IL34: variants seen among roughly 807,000 people sequenced by gnomAD.
The protein encoded by IL34 is interleukin-34.
A neutral mutation model predicts 25.3 loss-of-function variants in IL34; 17 were observed. That is an observed-to-expected ratio of 0.67 (90% CI 0.46 to 1.01). The LOEUF (loss-of-function observed/expected upper bound fraction) is 1.01, where lower values mean the gene tolerates loss of function less well. Among genes scored for constraint, IL34 ranks in the 50% least tolerant of loss-of-function variants. The pLI is 0.00. For missense variants in IL34, 368 were observed against 312.9 expected, an observed-to-expected ratio of 1.18 and a Z score of -1.33; for synonymous variants, 174 against 140.9, an observed-to-expected ratio of 1.23 and a Z score of -1.66.
At chr16:70,630,734 G>T (rs1199527854) in intron 1 of IL34, among the ~76,000 whole-genome samples, 1 of 151,908 alleles carries the variant, frequency 6.6e-6, no homozygotes, top group Non-Finnish European at 1.5e-5. Context: ...ACCATGCCTG[G>T]CTAATTTTTA....
intron 1 of IL34, among the ~76,000 whole-genome samples, chr16:70,619,148 G>T (rs2051223695): frequency 6.6e-6 from 1 of 152,284 alleles, no homozygotes; most frequent in Admixed American, 6.5e-5. Context: ...GCTTTAAAAG[G>T]CCATGCTGTA....
intron 1 of IL34, among the ~76,000 whole-genome samples, chr16:70,598,720 C>T (rs2050861635): frequency 6.6e-6 from 1 of 152,142 alleles, no homozygotes; most frequent in Non-Finnish European, 1.5e-5. Context: ...GCCTGGGCGA[C>T]AGAGTGAAAC....
rs114006339 is a variant in IL34 at position 70,590,556 on chromosome 16, G to A, written c.-401+10507G>A. On this transcript the variant is annotated intron_variant, in intron 1 of 6. Coordinates refer to the IL34 transcript ENST00000429149. ...TCAGAGGGAGGGGGCAGCCGGGTGG[G>A]AAGGCTTGTCCCAGGTCTAGCCCAA... 7.4e-3 allele frequency among the ~76,000 whole-genome samples: 1,124 copies of A among 152,206 alleles called. 15 individuals carry two copies. Among genetic ancestry groups the A allele is most frequent in the African/African-American group, 0.025 (1,025 of 41,536 alleles).
intron 1 of IL34, among the ~76,000 whole-genome samples, chr16:70,610,934 C>T (rs1250762223): frequency 1.3e-5 from 2 of 151,720 alleles, no homozygotes; most frequent in Non-Finnish European, 2.9e-5. Flanking sequence ...CTTTCCCCCC[C>T]TTCCATCCTT....
intron 1 of IL34, 183 bp from the exon 2 acceptor site, chr16:70,654,355 C>G (rs1182419489): frequency 5.7e-6 from 4 of 700,734 alleles, no homozygotes; most frequent in Non-Finnish European, 9.0e-6. Context: ...GCCTGCCTGA[C>G]CTTGCTGTTC....
At chr16:70,621,697 G>A (rs1285792017) in intron 1 of IL34, among the ~76,000 whole-genome samples, 1 of 152,130 alleles carries the variant, frequency 6.6e-6, no homozygotes, top group Non-Finnish European at 1.5e-5. Flanking sequence ...GGCAGGCTGA[G>A]TCCGAAAAGA....
At chr16:70,654,865 G>C (rs1414494890) in intron 2 of IL34, among the ~76,000 whole-genome samples, 194 bp downstream of exon 2, 4 of 152,026 alleles carry the variant, frequency 2.6e-5, no homozygotes, top group Non-Finnish European at 4.4e-5. Context: ...GCCATCTCCT[G>C]GGGCCTCCAC....
At chr16:70,599,975 T>C (rs1673738466) in intron 1 of IL34, among the ~76,000 whole-genome samples, 1 of 152,100 alleles carries the variant, frequency 6.6e-6, no homozygotes, top group Non-Finnish European at 1.5e-5. Flanking sequence ...TCATGGCACC[T>C]GACCCTGCTT....
At chr16:70,613,550 G>A (rs1380871784) in intron 1 of IL34, among the ~76,000 whole-genome samples, 1 of 152,232 alleles carries the variant, frequency 6.6e-6, no homozygotes, top group East Asian at 1.9e-4. Context: ...GCAGACCAGT[G>A]GTATCTGCAG....
At chr16:70,633,683 G>A (rs1002694590) in intron 1 of IL34, among the ~76,000 whole-genome samples, 2 of 152,278 alleles carry the variant, frequency 1.3e-5, no homozygotes, top group East Asian at 1.9e-4. Context: ...AAGATCTGGA[G>A]GCTAGAAATC....
rs182736746 is a variant in IL34, at chr16:70,596,143, C to T, written c.-401+16094C>T. Among the ~76,000 whole-genome samples, 14 of 152,152 alleles carry T rather than the reference C, an allele frequency of 9.2e-5. No individual in the cohort carries two copies. In the East Asian group the frequency reaches 9.7e-4, roughly 10 times the overall value. On this transcript the variant is annotated intron_variant, in intron 1 of 6. Coordinates refer to the IL34 transcript ENST00000429149. ...GTCTGGTGTGGGCCCTTGTCCTAGG[C>T]GGCTGTCTTTTCCCTGTAGCCTCAG... is the stretch of plus-strand genomic sequence containing the variant.
rs1567440018 is a variant in IL34, at chr16:70,600,935, G to GAGAA, written c.-401+20886_-401+20887insAGAA. ...AATGAGAAGATGCTGGCAGAAGCAG[G>GAGAA]GCTGCTGGGAGGAGTAGGGGATGCT... On this transcript the variant is annotated intron_variant, in intron 1 of 6. Transcript: ENST00000429149. Among the ~76,000 whole-genome samples, 430 of 146,162 alleles carry GAGAA rather than the reference G, an allele frequency of 2.9e-3. 2 individuals carry two copies. Among genetic ancestry groups the GAGAA allele is most frequent in the African/African-American group, 0.011 (399 of 36,044 alleles).
At chr16:70,614,196 A>G (rs989995055) in intron 1 of IL34, among the ~76,000 whole-genome samples, 3 of 151,660 alleles carry the variant, frequency 2.0e-5, no homozygotes, top group Admixed American at 6.6e-5. Flanking sequence ...AAAAAAAAAA[A>G]AAGAAGTGCA....
chr16:70,647,682 C>T (rs188611112), intron 1 of IL34, among the ~76,000 whole-genome samples: 181 of 152,250 alleles, frequency 1.2e-3, no homozygotes, highest in Middle Eastern at 0.01. Context: ...CTTGCTGTCT[C>T]GTGCCTCTGT....
upstream of IL34, among the ~76,000 whole-genome samples, chr16:70,643,217 C>T (rs568628903): frequency 4.6e-5 from 7 of 152,124 alleles, no homozygotes; most frequent in East Asian, 3.9e-4. Flanking sequence ...TGCGCACCAC[C>T]GTGCCTGGCT....
At chr16:70,580,873 G>T (rs2050629353) in intron 1 of IL34, among the ~76,000 whole-genome samples, 1 of 151,800 alleles carries the variant, frequency 6.6e-6, no homozygotes, top group Admixed American at 6.6e-5. Flanking sequence ...ATGCAGGTGG[G>T]ATTTCTGAAA....
At chr16:70,627,446 TC>T in intron 1 of IL34, among the ~76,000 whole-genome samples, 1 of 17,766 alleles carries the variant, frequency 5.6e-5, no homozygotes, top group South Asian at 1.9e-3. Flanking sequence ...CCCCCTCCGC[TC>T]CCCTCCCCCT....
intron 1 of IL34, among the ~76,000 whole-genome samples, chr16:70,590,079 C>T (rs2050735485): frequency 6.6e-6 from 1 of 152,202 alleles, no homozygotes; most frequent in African/African-American, 2.4e-5. Context: ...GAGAGATGGA[C>T]AGACCCACCC....
At chr16:70,624,916 G>A (rs141898888) in intron 1 of IL34, among the ~76,000 whole-genome samples, 2,741 of 151,952 alleles carry the variant, frequency 0.018, 88 homozygotes, top group African/African-American at 0.058. Context: ...GGGGACAGGC[G>A]GGAGGGAAAG....
Sources: allele counts gnomAD v4.1 joint callset (sites outside exome capture counted in the v4.1 genomes callset), GRCh38; gene constraint gnomAD v4.1.1; transcripts MANE v1.5; gene names NCBI Gene and HGNC (gene_info 2026-07-23, HGNC 2026-07-21).